The following FER variants were observed in gnomAD, a reference collection of about 807,000 sequenced individuals.
FER encodes FER tyrosine kinase.
FER carries 63 observed loss-of-function variants against 111.0 expected under a neutral mutation model. The ratio of observed to expected loss-of-function variants is 0.57; its 90% CI spans 0.46 to 0.70. FER has a LOEUF of 0.70. FER is among the 30% of genes least tolerant of loss of function. FER has a pLI of 0.00. For synonymous variants in FER, 327 were observed against 313.9 expected (o/e 1.04, Z -0.44); for missense variants, 914 against 954.0 (o/e 0.96, Z 0.55).
At chr5:108,937,891 A>AT (rs966990505) in intron 10 of FER, among the ~76,000 whole-genome samples, 5 of 151,008 alleles carry the variant, frequency 3.3e-5, no homozygotes, top group African/African-American at 4.9e-5. Context: ...TCTTTTAGGA[A>AT]TTTTTTTTTA....
intron 1 of FER, among the ~76,000 whole-genome samples, chr5:108,751,152 A>G (rs1750458950): frequency 6.6e-6 from 1 of 152,136 alleles, no homozygotes; most frequent in Non-Finnish European, 1.5e-5. Flanking sequence ...AGATCACACC[A>G]TTGCACTCCA....
rs574100005 is a variant in FER, at chr5:108,876,004, A to T, written c.923+3792A>T. 3.3e-5 allele frequency among the ~76,000 whole-genome samples: 5 copies of T among 152,342 alleles called. No homozygotes were observed. In the South Asian group the frequency reaches 1.0e-3, roughly 32 times the overall value. ...CTTATGATTTCAAGTACATTTTTTA[A>T]AGTTTAAAATCAGAACATATTTAGC... On this transcript the variant is annotated intron_variant, in intron 8 of 19. Coordinates refer to ENST00000281092, the MANE Select transcript of FER (RefSeq NM_005246.4).
intron 16 of FER, among the ~76,000 whole-genome samples, chr5:109,052,814 T>G (rs887778595): frequency 1.3e-5 from 2 of 152,196 alleles, no homozygotes; most frequent in African/African-American, 4.8e-5. Context: ...GAGGCCATAT[T>G]CAAATTCTGT....
chr5:109,167,554 A>G (rs1756684134), intron 17 of FER, among the ~76,000 whole-genome samples: 1 of 152,176 alleles, frequency 6.6e-6, no homozygotes, highest in Admixed American at 6.6e-5. Context: ...CGTGTATTTA[A>G]GGTCAGATTC....
chr5:108,793,617 G>A (rs1421857578), intron 2 of FER, among the ~76,000 whole-genome samples: 1 of 151,480 alleles, frequency 6.6e-6, no homozygotes, highest in African/African-American at 2.4e-5. Context: ...CTCCATAGTG[G>A]TTGTACACAT....
intron 11 of FER, among the ~76,000 whole-genome samples, chr5:108,947,167 T>C (rs1360073964): frequency 6.6e-6 from 1 of 152,060 alleles, no homozygotes; most frequent in African/African-American, 2.4e-5. Context: ...CGTTTTCAAG[T>C]GTTTTTCTGT....
At chr5:108,873,524 TGAA>T (rs1199896082) in intron 8 of FER, among the ~76,000 whole-genome samples, 1 of 152,210 alleles carries the variant, frequency 6.6e-6, no homozygotes, top group East Asian at 1.9e-4. Flanking sequence ...GTGTACAAGA[TGAA>T]GGCTTAGTAA....
chr5:108,997,658 G>A (rs1764171786), intron 13 of FER, among the ~76,000 whole-genome samples: 1 of 152,180 alleles, frequency 6.6e-6, no homozygotes, highest in South Asian at 2.1e-4. Context: ...CTCCGGTGCT[G>A]TGCTGGGAGA....
intron 17 of FER, among the ~76,000 whole-genome samples, chr5:109,150,433 A>T (rs1383157930): frequency 1.3e-5 from 2 of 152,080 alleles, no homozygotes; most frequent in African/African-American, 4.8e-5. Flanking sequence ...TCTCTACCAA[A>T]AATTGTTTAG....
At chr5:108,854,241 G>T (rs1043049417) in intron 5 of FER, among the ~76,000 whole-genome samples, 1 of 152,110 alleles carries the variant, frequency 6.6e-6, no homozygotes, top group African/African-American at 2.4e-5. Context: ...ACAACCAATG[G>T]TGCTATAACT....
intron 11 of FER, among the ~76,000 whole-genome samples, chr5:108,952,767 T>A (rs1279518226): frequency 1.3e-5 from 2 of 152,140 alleles, no homozygotes; most frequent in African/African-American, 2.4e-5. Flanking sequence ...TGGCTGAGCT[T>A]TTGTACTTTT....
intron 16 of FER, among the ~76,000 whole-genome samples, chr5:109,068,761 A>G (rs1775423884): frequency 6.6e-6 from 1 of 152,242 alleles, no homozygotes; most frequent in Admixed American, 6.5e-5. Context: ...TAATATATGT[A>G]AAGAATGTGG....
intron 5 of FER, among the ~76,000 whole-genome samples, chr5:108,855,374 TG>T (rs1362407054): frequency 6.6e-6 from 1 of 152,014 alleles, no homozygotes; most frequent in African/African-American, 2.4e-5. Context: ...GGCTCACGCC[TG>T]TAATCCCAGC....
intron 3 of FER, among the ~76,000 whole-genome samples, chr5:108,828,137 TG>T (rs1459355388): frequency 6.6e-6 from 1 of 152,124 alleles, no homozygotes; most frequent in Non-Finnish European, 1.5e-5. Context: ...CCCCAAACAC[TG>T]GGATTACAGA....
At chr5:109,178,334 G>A (rs1349124849) in intron 17 of FER, among the ~76,000 whole-genome samples, 2 of 152,132 alleles carry the variant, frequency 1.3e-5, no homozygotes, top group African/African-American at 2.4e-5. Flanking sequence ...CTCTAAATTA[G>A]TTTTAGATTG....
intron 13 of FER, among the ~76,000 whole-genome samples, chr5:109,006,998 C>T (rs1400884326): frequency 6.6e-6 from 1 of 152,058 alleles, no homozygotes; most frequent in African/African-American, 2.4e-5. Flanking sequence ...GCTATGGGAC[C>T]TGTGCTTTTT....
intron 13 of FER, among the ~76,000 whole-genome samples, chr5:109,001,106 A>G (rs1353170781): frequency 2.0e-5 from 3 of 151,476 alleles, no homozygotes; most frequent in Non-Finnish European, 4.4e-5. Context: ...TCCTTCTGAA[A>G]CTAGAATCCT....
At chr5:109,004,173 A>G (rs1196128774) in intron 13 of FER, among the ~76,000 whole-genome samples, 2 of 152,178 alleles carry the variant, frequency 1.3e-5, no homozygotes, top group Non-Finnish European at 2.9e-5. Context: ...GAGCTATCCT[A>G]TGCTCTAAAT....
intron 13 of FER, among the ~76,000 whole-genome samples, chr5:108,994,435 G>A (rs910002590): frequency 3.9e-5 from 6 of 152,088 alleles, no homozygotes; most frequent in African/African-American, 1.2e-4. Flanking sequence ...TGCAGTCATA[G>A]TTCTGAGATC....
Sources: gnomAD v4.1 joint callset for allele counts (sites outside exome capture counted in the v4.1 genomes callset) on GRCh38, gnomAD v4.1.1 for gene constraint, MANE v1.5 for transcripts, NCBI Gene and HGNC (gene_info 2026-07-23, HGNC 2026-07-21) for gene names.